ZCCHC24: variants seen among roughly 807,000 people sequenced by gnomAD.
The protein encoded by ZCCHC24 is zinc finger CCHC-type containing 24, also known as zinc finger CCHC domain-containing protein 24.
Under a neutral mutation model 26.2 loss-of-function variants are expected in ZCCHC24, and 10 were observed. That is an observed-to-expected ratio of 0.38 (90% CI 0.24 to 0.65). The LOEUF (loss-of-function observed/expected upper bound fraction) is 0.65. Ranked by LOEUF, ZCCHC24 falls within the 30% of genes least tolerant of loss-of-function variation. The pLI is 0.54. For missense variants in ZCCHC24, 243 were observed against 329.1 expected (o/e 0.74, Z 2.03); for synonymous variants, 144 against 147.1 (o/e 0.98, Z 0.15).
intron 2 of ZCCHC24, among the ~76,000 whole-genome samples, chr10:79,430,416 A>C (rs1183212754): frequency 1.3e-5 from 2 of 151,946 alleles, no homozygotes; most frequent in Non-Finnish European, 2.9e-5. Context: ...GAGCTTAAGG[A>C]GGCAAAGAAT....
At position 79,389,821 on chromosome 10, in the gene ZCCHC24, G is replaced by A. The variant is rs185789008; in HGVS notation, c.613-3363C>T. 2.0e-5 allele frequency among the ~76,000 whole-genome samples: 3 copies of A among 152,130 alleles called. No homozygotes were observed. In the East Asian group the frequency reaches 5.8e-4, roughly 29 times the overall value. ...AGTAGAGACGGGGTTTCGCTGTGTTGGCCAGGCTGGTCTTGAGCTCCTGAC... is the reference window on the plus strand; with the variant it reads ...AGTAGAGACGGGGTTTCGCTGTGTTAGCCAGGCTGGTCTTGAGCTCCTGAC... On this transcript the variant is annotated intron_variant, in intron 3 of 3. Coordinates refer to ENST00000372336, the MANE Select transcript of ZCCHC24 (RefSeq NM_153367.4).
At chr10:79,434,208 A>C (rs1857184024) in intron 1 of ZCCHC24, among the ~76,000 whole-genome samples, 1 of 152,176 alleles carries the variant, frequency 6.6e-6, no homozygotes, top group African/African-American at 2.4e-5. Context: ...CCAGCCCAGC[A>C]CACAGTCACC....
intron 2 of ZCCHC24, among the ~76,000 whole-genome samples, chr10:79,409,872 G>C (rs1201014295): frequency 6.6e-6 from 1 of 152,214 alleles, no homozygotes; most frequent in Non-Finnish European, 1.5e-5. Flanking sequence ...GGGGAGGACG[G>C]GGGCTCTCAA....
chr10:79,421,377 C>G (rs1160716413), intron 2 of ZCCHC24, among the ~76,000 whole-genome samples: 2 of 151,992 alleles, frequency 1.3e-5, no homozygotes, highest in Admixed American at 1.3e-4. Context: ...TAGGCCCAGT[C>G]CTTCCTCAGT....
At chr10:79,423,593 A>ATATATATACTATATATATATTT (rs1856982898) in intron 2 of ZCCHC24, among the ~76,000 whole-genome samples, 1 of 31,446 alleles carries the variant, frequency 3.2e-5, no homozygotes, top group Non-Finnish European at 8.2e-5. Flanking sequence ...ATATATATAT[A>ATATATATACTATATATATATTT]TATATATATA....
chr10:79,393,015 G>C (rs529514448), intron 3 of ZCCHC24, among the ~76,000 whole-genome samples: 23 of 152,204 alleles, frequency 1.5e-4, no homozygotes, highest in Non-Finnish European at 7.4e-5. Flanking sequence ...CAGGCTTCTA[G>C]GACTCCACAC....
At chr10:79,419,746 GGATGCACTTGCTGTGCTCCAGCATTC>G (rs1589671305) in intron 2 of ZCCHC24, among the ~76,000 whole-genome samples, 1 of 152,158 alleles carries the variant, frequency 6.6e-6, no homozygotes. Context: ...TTCAGCTTAA[GGATGCACTTGCTGTGCTCCAGCATTC>G]CATTCACTAG....
intron 2 of ZCCHC24, among the ~76,000 whole-genome samples, chr10:79,410,011 C>G (rs1036883757): frequency 1.3e-5 from 2 of 152,254 alleles, no homozygotes; most frequent in African/African-American, 2.4e-5. Flanking sequence ...CCAACTCTCC[C>G]TCTGAGCTGG....
Position 79,386,331 on chromosome 10 carries a change from G to A in ZCCHC24, c.*14C>T, listed in dbSNP as rs369416935. On this transcript the variant is annotated 3_prime_UTR_variant, in exon 4 of 4. Transcript: ENST00000372336. ...GCTGGCGGGGGGTGGCTCTGGGTGC[G>A]GGCGGGCAGCCCGTCACTGCACGCG... is the stretch of plus-strand genomic sequence containing the variant. The A allele has an allele frequency of 3.9e-4, 621 of 1,609,576 alleles. 1 individual carries two copies. Among genetic ancestry groups the A allele is most frequent in the Non-Finnish European group, 5.2e-4 (607 of 1,177,850 alleles).
At chr10:79,404,156 A>T (rs1856677407) in intron 2 of ZCCHC24, among the ~76,000 whole-genome samples, 1 of 152,314 alleles carries the variant, frequency 6.6e-6, no homozygotes, top group Middle Eastern at 3.4e-3. Context: ...GAGCCCCTCC[A>T]GGACCCAGAG....
intron 2 of ZCCHC24, among the ~76,000 whole-genome samples, chr10:79,412,343 C>T (rs1856804219): frequency 6.6e-6 from 1 of 152,248 alleles, no homozygotes; most frequent in African/African-American, 2.4e-5. Context: ...CCTGCAGCGG[C>T]ATGAGCCTCT....
At chr10:79,443,231 GA>G (rs1857312330) in intron 1 of ZCCHC24, among the ~76,000 whole-genome samples, 1 of 152,210 alleles carries the variant, frequency 6.6e-6, no homozygotes, top group African/African-American at 2.4e-5. Flanking sequence ...ACGCAGCAAT[GA>G]AGTGACAGAG....
intron 2 of ZCCHC24, among the ~76,000 whole-genome samples, chr10:79,418,803 T>C (rs1375557250): frequency 6.6e-6 from 1 of 152,132 alleles, no homozygotes; most frequent in Non-Finnish European, 1.5e-5. Context: ...TTGAGGGCCT[T>C]AAAACCAGGT....
chr10:79,444,021 C>T, intron 1 of ZCCHC24: 2 of 1,442,692 alleles, frequency 1.4e-6, no homozygotes, highest in Non-Finnish European at 1.8e-6. Flanking sequence ...CTCTGCCTCC[C>T]TCTCTTACCC....
intron 1 of ZCCHC24, among the ~76,000 whole-genome samples, chr10:79,442,347 A>G (rs1443971761): frequency 6.6e-6 from 1 of 152,092 alleles, no homozygotes; most frequent in Non-Finnish European, 1.5e-5. Context: ...GAACTCTGCC[A>G]TCTCTCTCTC....
At chr10:79,444,492 C>G (rs1331950815) in intron 1 of ZCCHC24, among the ~76,000 whole-genome samples, 1 of 152,058 alleles carries the variant, frequency 6.6e-6, no homozygotes, top group East Asian at 1.9e-4. Flanking sequence ...TTCTAGCCCC[C>G]CTCCCAAGAG....
chr10:79,444,325 C>T lies in ZCCHC24; in HGVS notation c.246+870G>A, dbSNP rs112772801. 120 of 1,338,184 alleles carry T rather than the reference C, an allele frequency of 9.0e-5. No homozygotes were observed. The African/African-American group carries it at 1.5e-3, about 17-fold the overall frequency. The allele number at this position is 1,338,184 out of a possible 1,614,324, so 82.9% of individuals were successfully genotyped here. A position where few individuals can be genotyped will look rare whatever the true frequency, so the allele number is the denominator to read the frequency against. ...GGCCCTGGAGACTCTTCAAAAAGGGCTGGGAGGTGGTGGCGATCTGTGTAT... is the reference window on the plus strand; with the variant it reads ...GGCCCTGGAGACTCTTCAAAAAGGGTTGGGAGGTGGTGGCGATCTGTGTAT... On this transcript the variant is annotated intron_variant, in intron 1 of 3. Coordinates refer to ENST00000372336, the MANE Select transcript of ZCCHC24 (RefSeq NM_153367.4).
intron 2 of ZCCHC24, among the ~76,000 whole-genome samples, chr10:79,412,617 C>T (rs995941965): frequency 6.6e-6 from 1 of 152,192 alleles, no homozygotes. Context: ...TTTCTATTTC[C>T]CTGGCCGTGG....
chr10:79,415,473 T>C (rs553739374), intron 2 of ZCCHC24, among the ~76,000 whole-genome samples: 6 of 152,328 alleles, frequency 3.9e-5, no homozygotes, highest in African/African-American at 1.2e-4. Context: ...TCCTGATCAG[T>C]TGGGACGTTG....
Sources: allele counts gnomAD v4.1 joint callset (sites outside exome capture counted in the v4.1 genomes callset), GRCh38; gene constraint gnomAD v4.1.1; transcripts MANE v1.5; gene names NCBI Gene and HGNC (gene_info 2026-07-23, HGNC 2026-07-21).